The following TTN variants were observed in gnomAD, a reference collection of about 807,000 sequenced individuals.
TTN encodes connectin.
Under a neutral mutation model 3,223.0 loss-of-function variants are expected in TTN, and 1,525 were observed. The observed-to-expected ratio is 0.47, with a 90% CI of 0.45 to 0.49. The LOEUF (loss-of-function observed/expected upper bound fraction) is 0.49, where lower values mean the gene tolerates loss of function less well. TTN is among the 20% of genes least tolerant of loss of function. TTN has a pLI of 0.00. For missense variants in TTN, 40,786 were observed against 43,424.0 expected (o/e 0.94, Z 5.40); for synonymous variants, 14,094 against 15,161.0 (o/e 0.93, Z 5.17).
intron 276 of TTN, 29 bp from the exon 277 acceptor site, chr2:178,607,714 C>T: frequency 6.2e-7 from 1 of 1,611,902 alleles, no homozygotes; most frequent in Non-Finnish European, 8.5e-7. Context: ...CATGCATTAG[C>T]CCATGAAAGA....
intron 350 of TTN, 130 bp from the exon 351 acceptor site, chr2:178,540,500 A>G: frequency 2.4e-6 from 2 of 817,336 alleles, no homozygotes; most frequent in Non-Finnish European, 3.7e-6. Flanking sequence ...TCTTGTGAAA[A>G]TTTTATTCAT....
In TTN at chr2:178,547,101, TCTA is replaced by T; in HGVS notation, c.94421_94423del (p.Val31474del). On this transcript the variant is annotated inframe_deletion, in exon 340 of 363. Coordinates refer to ENST00000589042, the MANE Select transcript of TTN (RefSeq NM_001267550.2). ...AGTTCTGAACTGATATTCCAGTCCTTCTACTAAACCAGTTACTTTGTAGTTGCA... is the reference window on the plus strand; with the variant it reads ...AGTTCTGAACTGATATTCCAGTCCTTCTAAACCAGTTACTTTGTAGTTGCA... 1 of 1,613,848 alleles carries T rather than the reference TCTA, an allele frequency of 6.2e-7. No homozygotes were observed. The highest frequency in any genetic ancestry group is 1.7e-5 in the Admixed American group (1 of 60,006).
At position 178,783,868 on chromosome 2, in the gene TTN, A is replaced by G. The variant is rs971246378; in HGVS notation, c.2776-83T>C. On this transcript the variant is annotated intron_variant, in intron 16 of 362. Coordinates refer to ENST00000589042, the MANE Select transcript of TTN (RefSeq NM_001267550.2). ...ACTCTTAGCTCATGCAACATTATATAATTATAAAAATATAAAAATAATTAT... is the reference window on the plus strand; with the variant it reads ...ACTCTTAGCTCATGCAACATTATATGATTATAAAAATATAAAAATAATTAT... The G allele has an allele frequency of 7.1e-5, 72 of 1,009,630 alleles. 2 individuals are homozygous for G. Among genetic ancestry groups the G allele is most frequent in the Non-Finnish European group, 5.4e-5 (40 of 745,032 alleles). 62.5% of individuals were successfully genotyped at this position (1,009,630 alleles called of 1,614,324 possible). A position where few individuals can be genotyped will look rare whatever the true frequency, so the allele number is the denominator to read the frequency against.
rs542293215 is a variant in TTN, at chr2:178,605,723, G to A, written c.53582-10C>T. 3 of 1,459,500 alleles carry A rather than the reference G, an allele frequency of 2.1e-6. No homozygotes were observed. Among genetic ancestry groups the A allele is most frequent in the East Asian group, 4.8e-5 (2 of 42,012 alleles). The allele number at this position is 1,459,500 out of a possible 1,614,324, so 90.4% of individuals were successfully genotyped here. On this transcript the variant is annotated splice_polypyrimidine_tract_variant and intron_variant, in intron 278 of 362. Coordinates refer to ENST00000589042, the MANE Select transcript of TTN (RefSeq NM_001267550.2). ...GGAGATGTTGGAGGACCTTTAGCCAGAGGCAAGTGAAAATGATTAGCATGA... is the reference window on the plus strand; with the variant it reads ...GGAGATGTTGGAGGACCTTTAGCCAAAGGCAAGTGAAAATGATTAGCATGA...
Position 178,552,644 on chromosome 2 carries a change from A to G in TTN, c.90256T>C (p.Cys30086Arg), listed in dbSNP as rs372568082. 4.3e-6 allele frequency: 7 copies of G among 1,613,804 alleles called. No individual in the cohort carries two copies. The African/African-American group carries it at 8.0e-5, about 18-fold the overall frequency. The change falls in exon 335 of 363, where the codon TGT becomes CGT. Residue 30086 changes from cysteine (C) to arginine (R), a missense_variant. Physicochemically the swap from Cys to Arg is radical, Grantham distance 180 (BLOSUM62 -3). Transcript: ENST00000589042. Reference sequence around the variant, plus strand: ...TTAAGTTGGCTAACCTCAATTTCACATGTCTTACTTATGCCAGCGTGGGAC... The same window carrying G: ...TTAAGTTGGCTAACCTCAATTTCACGTGTCTTACTTATGCCAGCGTGGGAC... ...TWSHAGISKT[C>R]EIEVSQLKEQ...
intron 329 of TTN, 32 bp downstream of exon 329, chr2:178,557,221 T>A: frequency 6.2e-7 from 1 of 1,613,226 alleles, no homozygotes; most frequent in Non-Finnish European, 8.5e-7. Flanking sequence ...ATTTTTGTTA[T>A]CAGAACTGCC....
In TTN at chr2:178,607,641, G is replaced by T; in HGVS notation, c.53047C>A (p.Gln17683Lys). 1.2e-6 allele frequency: 2 copies of T among 1,612,986 alleles called. No individual in the cohort carries two copies. The highest frequency in any genetic ancestry group is 2.2e-5 in the East Asian group (1 of 44,738). ...ELDVSVKGGIQIMAGKTLRIP... is the reference protein window; with the variant it reads ...ELDVSVKGGIKIMAGKTLRIP... ...CTAAGAGTCTTCCCAGCCATTATTT[G>T]TATTCCACCCTTGACAGAAACATCC... Residue 17683 changes from glutamine to lysine, a missense_variant, in exon 277 of 363, where the codon CAA becomes AAA. Physicochemically the swap from Gln to Lys is moderately conservative, Grantham distance 53. Transcript: ENST00000589042.
intron 164 of TTN, 73 bp from the exon 165 acceptor site, chr2:178,665,533 A>C (rs1022320452): frequency 1.8e-4 from 275 of 1,507,190 alleles, no homozygotes; most frequent in Non-Finnish European, 3.4e-5. Flanking sequence ...AGCTGAACCA[A>C]AGTGATATTT....
Position 178,549,871 on chromosome 2 carries a change from T to A in TTN, c.91853-2A>T. The A allele has an allele frequency of 1.3e-6, 2 of 1,548,456 alleles. No homozygotes were observed. The highest frequency in any genetic ancestry group is 2.1e-5 in the Admixed American group (1 of 48,252). On this transcript the variant is annotated splice_acceptor_variant, in intron 337 of 362. Coordinates refer to ENST00000589042, the MANE Select transcript of TTN (RefSeq NM_001267550.2). LOFTEE classifies it high-confidence loss of function. ...GCCCAACTACTTTTCCTGGTGTATC[T>A]ATAAGAAAAAGTTTCTAGAGTTAGT...
intron 217 of TTN, among the ~76,000 whole-genome samples, chr2:178,645,505 A>G (rs889184666): frequency 1.3e-5 from 2 of 152,106 alleles, no homozygotes; most frequent in African/African-American, 4.8e-5. Flanking sequence ...CTTTAAGAAC[A>G]AAGTTTTGGC....
At chr2:178,701,096 A>G in intron 111 of TTN, 24 bp downstream of exon 111, 1 of 1,606,722 alleles carries the variant, frequency 6.2e-7, no homozygotes, top group Non-Finnish European at 8.5e-7. Flanking sequence ...TTATTTCGAC[A>G]TCTAGGTAGA....
chr2:178,770,927 G>C, intron 34 of TTN: 1 of 781,916 alleles, frequency 1.3e-6, no homozygotes, highest in Non-Finnish European at 2.3e-6. Context: ...TGTATTAGCA[G>C]CATAATAGAC....
chr2:178,682,012 T>C (rs906624779), intron 135 of TTN, among the ~76,000 whole-genome samples: 3 of 151,994 alleles, frequency 2.0e-5, no homozygotes, highest in Non-Finnish European at 4.4e-5. Flanking sequence ...AATATGGTTT[T>C]TTTAAAGCTA....
Position 178,718,967 on chromosome 2 carries a change from G to T in TTN, c.24233C>A (p.Pro8078Gln). 1 of 1,602,134 alleles carries T rather than the reference G, an allele frequency of 6.2e-7. No individual in the cohort carries two copies. Among genetic ancestry groups the T allele is most frequent in the Non-Finnish European group, 8.5e-7 (1 of 1,174,014 alleles). The change falls in exon 84 of 363, where the codon CCA (proline) becomes CAA (glutamine). Residue 8078 changes from proline to glutamine, a missense_variant. By Grantham distance (76) the Pro-to-Gln change is moderately conservative. Transcript: ENST00000589042. ...AGAATCAGGGGTTTGTTCAAAAGAT[G>T]GTGGTTCTAGATATTGCAAGGCGGA... The part of the protein sequence containing the change: ...CSAVLTVQEP[P>Q]SFEQTPDSVE...
chr2:178,613,314 A>T, intron 263 of TTN, 38 bp from the exon 264 acceptor site: 2 of 1,393,790 alleles, frequency 1.4e-6, no homozygotes, highest in Non-Finnish European at 2.0e-6. Flanking sequence ...TCATCATGGT[A>T]AGAAGCAGAA....
Position 178,652,877 on chromosome 2 carries a change from G to C in TTN, c.38930C>G (p.Pro12977Arg), listed in dbSNP as rs1307618581. The C allele has an allele frequency of 1.2e-6, 2 of 1,611,818 alleles. No homozygotes were observed. The highest frequency in any genetic ancestry group is 2.7e-5 in the African/African-American group (2 of 74,800). Residue 12977 changes from proline to arginine, a missense_variant, in exon 200 of 363, where the codon CCT becomes CGT. By Grantham distance (103) the Pro-to-Arg change is moderately radical. Transcript: ENST00000589042. ...VPEKKMPLAP[P>R]KKPEVPPVKV... ...AACAGGAGGGACTTCAGGCTTTTTA[G>C]GAGGAGCCAAGGGCATTTTCTTTTC...
chr2:178,750,081 C>A (rs2084978564), intron 47 of TTN: 3 of 1,613,128 alleles, frequency 1.9e-6, no homozygotes, highest in Non-Finnish European at 2.5e-6. Context: ...GCTGCTGTTA[C>A]CTGAATTTCT....
In TTN at chr2:178,785,666, A is replaced by C; in HGVS notation, c.2447T>G (p.Phe816Cys). 2 of 1,614,158 alleles carry C rather than the reference A, an allele frequency of 1.2e-6. No individual in the cohort carries two copies. The highest frequency in any genetic ancestry group is 2.2e-5 in the South Asian group (2 of 91,082). ...AGGAACAGAAATTTTTGAAACAGTA[A>C]AGTGAGGGCTAGCTGTGCGGGGGCG... ...DKRPRTASPH[F>C]TVSKISVPKT... Residue 816 changes from phenylalanine (F) to cysteine (C), a missense_variant, in exon 15 of 363, where the codon TTT (phenylalanine) becomes TGT (cysteine). By Grantham distance (205) the Phe-to-Cys change is radical (BLOSUM62 -2). Transcript: ENST00000589042.
rs755812075 is a variant in TTN at position 178,678,742 on chromosome 2, T to C, written c.33826+5A>G. On this transcript the variant is annotated splice_donor_5th_base_variant and intron_variant, in intron 143 of 362. Transcript: ENST00000589042. Reference sequence around the variant, plus strand: ...AAAATATTGCAACATTGCAAGTTCATGTACCTTTGGCAGGTGGAGCTTCCA... The same window carrying C: ...AAAATATTGCAACATTGCAAGTTCACGTACCTTTGGCAGGTGGAGCTTCCA... The C allele has an allele frequency of 1.9e-6, 3 of 1,601,124 alleles. No individual in the cohort carries two copies. Among genetic ancestry groups the C allele is most frequent in the African/African-American group, 1.3e-5 (1 of 74,122 alleles).
Sources: gnomAD v4.1 joint callset for allele counts (sites outside exome capture counted in the v4.1 genomes callset) on GRCh38, gnomAD v4.1.1 for gene constraint, MANE v1.5 for transcripts, NCBI Gene and HGNC (gene_info 2026-07-23, HGNC 2026-07-21) for gene names.